The following POU2F2 variants were observed in gnomAD, a reference collection of about 807,000 sequenced individuals.
The protein encoded by POU2F2 is POU domain, class 2, transcription factor 2.
Under a neutral mutation model 63.5 loss-of-function variants are expected in POU2F2, and 14 were observed. The observed-to-expected ratio is 0.22, with a 90% CI of 0.15 to 0.34. The LOEUF (loss-of-function observed/expected upper bound fraction) is 0.34. Ranked by LOEUF, POU2F2 falls within the 10% of genes least tolerant of loss-of-function variation. The pLI is 1.00. For missense variants in POU2F2, 607 were observed against 815.2 expected (o/e 0.74, Z 3.11); for synonymous variants, 306 against 348.6 (o/e 0.88, Z 1.36).
chr19:42,087,952 A>C lies in POU2F2; in HGVS notation c.*3305T>G, dbSNP rs1152712. The C allele has an allele frequency of 0.095, 14,410 of 152,128 alleles. 2,181 individuals carry two copies. Among genetic ancestry groups the C allele is most frequent in the African/African-American group, 0.32 (13,293 of 41,424 alleles). The allele number at this position is 152,128 out of a possible 1,614,324, so 9.4% of individuals were successfully genotyped here. A position where few individuals can be genotyped will look rare whatever the true frequency, so the allele number is the denominator to read the frequency against. On this transcript the variant is annotated 3_prime_UTR_variant, in exon 15 of 15. Coordinates refer to ENST00000692977, the MANE Select transcript of POU2F2 (RefSeq NM_001394376.1). ...TCCCGGAGTCGAGACGGGGGACCAG[A>C]GTGTAAGGGGCAGATGGGGGTGGGG...
chr19:42,115,573 A>C (rs2031742541), intron 5 of POU2F2, among the ~76,000 whole-genome samples: 1 of 152,160 alleles, frequency 6.6e-6, no homozygotes. Context: ...GACAGACAAC[A>C]TGAATGGGTG....
At chr19:42,193,332 T>C (rs2035095090) in intron 1 of POU2F2, among the ~76,000 whole-genome samples, 1 of 152,010 alleles carries the variant, frequency 6.6e-6, no homozygotes, top group African/African-American at 2.4e-5. Context: ...GCAGATGTAA[T>C]TAAAGATTGT....
chr19:42,152,928 T>C lies in POU2F2; in HGVS notation c.-9+7404A>G, dbSNP rs1199571135. Among the ~76,000 whole-genome samples, 2 of 151,956 alleles carry C rather than the reference T, an allele frequency of 1.3e-5. No homozygotes were observed. The highest frequency in any genetic ancestry group is 4.8e-5 in the African/African-American group (2 of 41,332). On this transcript the variant is annotated intron_variant, in intron 2 of 6. Transcript: ENST00000524801. The surrounding 1 kb of genome is among the most constrained non-coding windows in gnomAD (Gnocchi z 4.1). ...TCAGAGAGACACTGTCCTGAGCCCA[T>C]GAGGCAGGGGAAGGTCTGGGGTGGG... is the stretch of plus-strand genomic sequence containing the variant.
At chr19:42,106,047 C>CTT in intron 5 of POU2F2, among the ~76,000 whole-genome samples, 1 of 131,142 alleles carries the variant, frequency 7.6e-6, no homozygotes, top group Non-Finnish European at 1.6e-5. Context: ...TTCTTTCTTT[C>CTT]TTTCTTCTTT....
rs2034706078 is a variant in POU2F2 at position 42,169,072 on chromosome 19, G to A, written c.-70+6891C>T. Among the ~76,000 whole-genome samples the A allele has an allele frequency of 6.6e-6, 1 of 152,190 alleles. No individual in the cohort carries two copies. Among genetic ancestry groups the A allele is most frequent in the African/African-American group, 2.4e-5 (1 of 41,422 alleles). On this transcript the variant is annotated intron_variant, in intron 1 of 6. Transcript: ENST00000524801. This position sits in a 1 kb window ranked among gnomAD's most constrained non-coding sequence, Gnocchi z 4.3. ...AGGGCCTGACTCCTATAGAGGCTCAGTACCTATGTGATGAGTTAATTAATT... is the reference window on the plus strand; with the variant it reads ...AGGGCCTGACTCCTATAGAGGCTCAATACCTATGTGATGAGTTAATTAATT...
intron 1 of POU2F2, among the ~76,000 whole-genome samples, chr19:42,126,956 G>A (rs902275727): frequency 2.0e-5 from 3 of 151,726 alleles, no homozygotes; most frequent in South Asian, 2.1e-4. Flanking sequence ...TTGCTCTGTC[G>A]GCCAGGCTGG....
chr19:42,178,825 G>T (rs1045577429), upstream of POU2F2, among the ~76,000 whole-genome samples: 10 of 152,036 alleles, frequency 6.6e-5, no homozygotes, highest in Non-Finnish European at 1.3e-4. Flanking sequence ...GAGATGAAAA[G>T]AAATACAGAG....
chr19:42,114,104 A>T (rs888245408), intron 5 of POU2F2, among the ~76,000 whole-genome samples: 2 of 152,054 alleles, frequency 1.3e-5, no homozygotes, highest in Non-Finnish European at 2.9e-5. Context: ...GGGTTTAAGG[A>T]GCCCTTGACA....
intron 2 of POU2F2, among the ~76,000 whole-genome samples, chr19:42,150,574 G>A (rs1217795697): frequency 1.4e-5 from 2 of 147,768 alleles, no homozygotes; most frequent in African/African-American, 4.9e-5. Flanking sequence ...GGGGGGACGC[G>A]GAGGGCTCAG....
At chr19:42,131,128 C>G (rs1482498376) in intron 1 of POU2F2, among the ~76,000 whole-genome samples, 1 of 144,374 alleles carries the variant, frequency 6.9e-6, no homozygotes, top group East Asian at 2.1e-4. Context: ...CTGGGCCTCC[C>G]CCATCCCAGC....
chr19:42,115,782 C>A (rs916388128), intron 5 of POU2F2, among the ~76,000 whole-genome samples: 1 of 152,132 alleles, frequency 6.6e-6, no homozygotes, highest in Non-Finnish European at 1.5e-5. Flanking sequence ...ACTCCTGGTA[C>A]CTGTAAATGT....
In POU2F2 at chr19:42,132,444, T is replaced by A; in HGVS notation, c.-33A>T. On this transcript the variant is annotated 5_prime_UTR_variant, in exon 1 of 15. Coordinates refer to ENST00000692977, the MANE Select transcript of POU2F2 (RefSeq NM_001394376.1). ...GCCCCGCCAGGGCTGGGGGAACAAC[T>A]GTGTCATCTCCCCACCCTCTCTGGG... 1 of 1,458,444 alleles carries A rather than the reference T, an allele frequency of 6.9e-7. No individual in the cohort carries two copies. The highest frequency in any genetic ancestry group is 1.5e-5 in the African/African-American group (1 of 67,490). 90.3% of individuals were successfully genotyped at this position (1,458,444 alleles called of 1,614,324 possible). A position where few individuals can be genotyped will look rare whatever the true frequency, so the allele number is the denominator to read the frequency against.
At chr19:42,099,680 A>G in intron 6 of POU2F2, 36 bp downstream of exon 6, 1 of 1,602,178 alleles carries the variant, frequency 6.2e-7, no homozygotes, top group Non-Finnish European at 8.5e-7. Flanking sequence ...AGTTCTGTGG[A>G]GGCGTCAGGG....
intron 1 of POU2F2, among the ~76,000 whole-genome samples, chr19:42,128,731 C>A (rs1213593584): frequency 6.6e-6 from 1 of 152,172 alleles, no homozygotes; most frequent in African/African-American, 2.4e-5. Context: ...GCCTATCACT[C>A]AACTCTAGAA....
At chr19:42,111,197 C>A (rs1249450827) in intron 5 of POU2F2, among the ~76,000 whole-genome samples, 1 of 152,058 alleles carries the variant, frequency 6.6e-6, no homozygotes, top group African/African-American at 2.4e-5. Flanking sequence ...AGCTCACTGC[C>A]ATCTTGACCT....
At chr19:42,150,602 G>A (rs879868699) in intron 2 of POU2F2, among the ~76,000 whole-genome samples, 56 of 143,938 alleles carry the variant, frequency 3.9e-4, no homozygotes, top group African/African-American at 1.1e-3. Context: ...GCCGGCGGCC[G>A]GCCTTCGCAG....
At chr19:42,178,281 G>C (rs2146811912), upstream of POU2F2, among the ~76,000 whole-genome samples, 1 of 152,142 alleles carries the variant, frequency 6.6e-6, no homozygotes, top group South Asian at 2.1e-4. Context: ...TAGCCACAGA[G>C]AAGTAGACAC....
chr19:42,126,472 AATTAGGTC>A (rs2033210848), intron 1 of POU2F2, among the ~76,000 whole-genome samples: 1 of 151,600 alleles, frequency 6.6e-6, no homozygotes, highest in Non-Finnish European at 1.5e-5. Flanking sequence ...AAAAAGAGGG[AATTAGGTC>A]ACAGATGGGA....
intron 5 of POU2F2, among the ~76,000 whole-genome samples, chr19:42,112,846 T>G (rs1164455081): frequency 6.6e-6 from 1 of 152,184 alleles, no homozygotes; most frequent in African/African-American, 2.4e-5. Context: ...TTCAGCCACC[T>G]GGACTTGGGC....
Sources: allele counts gnomAD v4.1 joint callset (sites outside exome capture counted in the v4.1 genomes callset), GRCh38; gene constraint gnomAD v4.1.1; non-coding constraint Gnocchi (gnomAD v3.1); transcripts MANE v1.5; gene names NCBI Gene and HGNC (gene_info 2026-07-23, HGNC 2026-07-21).